The following RPRD2 variants were observed in gnomAD, a reference collection of about 807,000 sequenced individuals.
RPRD2 encodes the protein regulation of nuclear pre-mRNA domain containing 2.
In RPRD2, 12 loss-of-function variants were observed where a neutral mutation model predicts 104.4. The ratio of observed to expected loss-of-function variants is 0.11; its 90% CI spans 0.07 to 0.19. RPRD2 has a LOEUF of 0.19. Ranked by LOEUF, RPRD2 falls within the 10% of genes least tolerant of loss-of-function variation. The probability of loss-of-function intolerance (pLI) is 1.00; values close to 1 mark genes in which losing one functional copy is unlikely to be tolerated. For synonymous variants in RPRD2, 714 were observed against 684.9 expected (o/e 1.04, Z -0.66); for missense variants, 1,543 against 1,790.1 (o/e 0.86, Z 2.49).
At chr1:150,401,878 C>G (rs187080438) in intron 1 of RPRD2, among the ~76,000 whole-genome samples, 1 of 151,060 alleles carries the variant, frequency 6.6e-6, no homozygotes, top group Non-Finnish European at 1.5e-5. Flanking sequence ...CTCCTGACCT[C>G]GTGATCCGCC....
At chr1:150,428,811 A>C (rs922984619) in intron 2 of RPRD2, among the ~76,000 whole-genome samples, 4 of 152,164 alleles carry the variant, frequency 2.6e-5, no homozygotes, top group Admixed American at 2.6e-4. Context: ...TAACTGTGAC[A>C]TCTGGACACC....
At chr1:150,396,812 C>G (rs1241484158) in intron 1 of RPRD2, among the ~76,000 whole-genome samples, 1 of 151,950 alleles carries the variant, frequency 6.6e-6, no homozygotes, top group East Asian at 1.9e-4. Context: ...TCATAGTCAC[C>G]AAAACAGCAT....
intron 9 of RPRD2, among the ~76,000 whole-genome samples, chr1:150,463,056 A>G (rs1423907722): frequency 2.6e-5 from 4 of 152,038 alleles, no homozygotes; most frequent in Non-Finnish European, 5.9e-5. Flanking sequence ...GTGTCTTACT[A>G]TGTTGCCCAG....
In RPRD2 at chr1:150,455,519, A is replaced by C. The variant is rs9436006; in HGVS notation, c.871-1769A>C. On this transcript the variant is annotated intron_variant, in intron 7 of 10. Coordinates refer to ENST00000369068, the MANE Select transcript of RPRD2 (RefSeq NM_015203.5). ...TCCATCTCAAAAAAAAAAAGAAAGA[A>C]AGTCCAGCAAAGTGTCACAAACAAG... Among the ~76,000 whole-genome samples the C allele has an allele frequency of 4.1e-3, 622 of 151,924 alleles. 16 individuals carry two copies. Among genetic ancestry groups the C allele is most frequent in the East Asian group, 0.021 (111 of 5,170 alleles).
intron 1 of RPRD2, among the ~76,000 whole-genome samples, chr1:150,393,696 G>A (rs1662274009): frequency 1.3e-5 from 2 of 152,024 alleles, no homozygotes; most frequent in South Asian, 4.1e-4. Flanking sequence ...GAAGGTAGTG[G>A]GTGGTATACA....
rs1274023146 is a variant in RPRD2 at position 150,475,053 on chromosome 1, ATCT to A, written c.*1724_*1726del. 1.3e-5 allele frequency: 2 copies of A among 152,186 alleles called. No homozygotes were observed. The highest frequency in any genetic ancestry group is 2.9e-5 in the Non-Finnish European group (2 of 68,036). The allele number at this position is 152,186 out of a possible 1,614,324, so 9.4% of individuals were successfully genotyped here. A position where few individuals can be genotyped will look rare whatever the true frequency, so the allele number is the denominator to read the frequency against. Reference sequence around the variant, plus strand: ...GGGGTTAGGATGCTGCAGGTCATTCATCTTCTTAATGCCTGTCTGGTCTTAAGC... The same window carrying A: ...GGGGTTAGGATGCTGCAGGTCATTCATCTTAATGCCTGTCTGGTCTTAAGC... On this transcript the variant is annotated 3_prime_UTR_variant, in exon 11 of 11. Transcript: ENST00000369068.
At chr1:150,371,537 T>A (rs1323665064) in intron 1 of RPRD2, among the ~76,000 whole-genome samples, 2 of 152,148 alleles carry the variant, frequency 1.3e-5, no homozygotes, top group Non-Finnish European at 2.9e-5. Context: ...GGCTGGCTAA[T>A]TTTTTGCATT....
chr1:150,382,547 C>T (rs1335372358), intron 1 of RPRD2, among the ~76,000 whole-genome samples: 2 of 151,942 alleles, frequency 1.3e-5, no homozygotes, highest in African/African-American at 4.8e-5. Context: ...TTAGTAGAGA[C>T]GGGGTTTCAT....
chr1:150,385,044 A>G (rs1661464412), intron 1 of RPRD2, among the ~76,000 whole-genome samples: 1 of 152,170 alleles, frequency 6.6e-6, no homozygotes, highest in Non-Finnish European at 1.5e-5. Flanking sequence ...AGGTAATTAC[A>G]TGTACACATA....
At chr1:150,417,030 T>C (rs1664398385) in intron 1 of RPRD2, among the ~76,000 whole-genome samples, 1 of 152,130 alleles carries the variant, frequency 6.6e-6, no homozygotes, top group Admixed American at 6.6e-5. Flanking sequence ...CTGAGTAGTA[T>C]CTGGATTGGT....
At chr1:150,466,834 A>G (rs1668313518) in intron 10 of RPRD2, among the ~76,000 whole-genome samples, 1 of 152,218 alleles carries the variant, frequency 6.6e-6, no homozygotes, top group South Asian at 2.1e-4. Flanking sequence ...GTACCGTAGT[A>G]TAATTATGAA....
Position 150,471,666 on chromosome 1 carries a change from C to T in RPRD2, c.2718C>T (p.Leu906=), listed in dbSNP as rs1323326014. Residue 906 remains leucine, a synonymous_variant, in exon 11 of 11, where the codon CTC becomes CTT. Coordinates refer to ENST00000369068, the MANE Select transcript of RPRD2 (RefSeq NM_015203.5). This position sits in a 1 kb window ranked among gnomAD's most constrained non-coding sequence, Gnocchi z 5.3. ...ACTCTAGTGAGAACTGTGACCGTCT[C>T]TCATCTTCCCCTGGGCTATTTGGTG... is the stretch of plus-strand genomic sequence containing the variant. The part of the protein sequence containing the change: ...LLDSSENCDR[L]SSSPGLFGAF... 1.2e-6 allele frequency: 2 copies of T among 1,613,916 alleles called. No homozygotes were observed. Among genetic ancestry groups the T allele is most frequent in the Non-Finnish European group, 8.5e-7 (1 of 1,179,872 alleles).
Position 150,441,029 on chromosome 1 carries a change from T to C in RPRD2, c.436+6T>C. 6.8e-7 allele frequency: 1 copy of C among 1,465,080 alleles called. No homozygotes were observed. Among genetic ancestry groups the C allele is most frequent in the Non-Finnish European group, 9.3e-7 (1 of 1,075,438 alleles). 90.8% of individuals were successfully genotyped at this position (1,465,080 alleles called of 1,614,324 possible). A position where few individuals can be genotyped will look rare whatever the true frequency, so the allele number is the denominator to read the frequency against. ...GGCATTGAGAGAAGCTTTGAGTAAG[T>C]GTCTTTTTCTCTCCTAAAAGAAAAT... On this transcript the variant is annotated splice_donor_region_variant and intron_variant, in intron 3 of 10. Coordinates refer to ENST00000369068, the MANE Select transcript of RPRD2 (RefSeq NM_015203.5).
At chr1:150,467,993 C>CA (rs1422851295) in intron 10 of RPRD2, among the ~76,000 whole-genome samples, 4 of 149,850 alleles carry the variant, frequency 2.7e-5, no homozygotes, top group African/African-American at 7.4e-5. Context: ...CCTGTCTTTC[C>CA]AAAAAAAAAT....
At chr1:150,468,454 C>G (rs1454906049) in intron 10 of RPRD2, among the ~76,000 whole-genome samples, 2 of 151,868 alleles carry the variant, frequency 1.3e-5, no homozygotes, top group African/African-American at 4.8e-5. Flanking sequence ...AAAAGATGTT[C>G]TTTTGAAGAA....
In RPRD2 at chr1:150,472,402, G is replaced by A; in HGVS notation, c.3454G>A (p.Gly1152Arg). Reference protein sequence around the residue: ...PSSASELASLGGGGSGGLTGF... With the variant: ...PSSASELASLRGGGSGGLTGF... ...AAGTGCCTCTGAGTTGGCATCCCTT[G>A]GGGGTGGGGGCAGCGGAGGCCTCAC... The change falls in exon 11 of 11, where the codon GGG (glycine) becomes AGG (arginine). Residue 1152 changes from glycine (G) to arginine (R), a missense_variant. Gly to Arg is a moderately radical substitution (Grantham distance 125). This residue lies in a region of RPRD2 where 880 missense variants were observed against 885.6 expected (regional missense o/e 0.99). Transcript: ENST00000369068. 1 of 1,613,948 alleles carries A rather than the reference G, an allele frequency of 6.2e-7. No individual in the cohort carries two copies. The highest frequency in any genetic ancestry group is 8.5e-7 in the Non-Finnish European group (1 of 1,179,870).
At chr1:150,368,063 T>G (rs1348500590) in intron 1 of RPRD2, among the ~76,000 whole-genome samples, 1 of 152,088 alleles carries the variant, frequency 6.6e-6, no homozygotes, top group Non-Finnish European at 1.5e-5. Context: ...AGGTCTGAAT[T>G]TCTTTTACAT....
At chr1:150,464,381 TACATG>T in intron 9 of RPRD2, 141 bp from the exon 10 acceptor site, 9 of 509,080 alleles carry the variant, frequency 1.8e-5, no homozygotes, top group South Asian at 5.3e-5. Context: ...TTTTTTTTTG[TACATG>T]TCATGTTATG....
intron 7 of RPRD2, 147 bp downstream of exon 7, chr1:150,446,548 A>G: frequency 1.5e-6 from 1 of 686,478 alleles, no homozygotes; most frequent in Non-Finnish European, 2.2e-6. Context: ...GCTGTGGTAC[A>G]CACCTGTAAT....
Sources: allele counts gnomAD v4.1 joint callset (sites outside exome capture counted in the v4.1 genomes callset), GRCh38; gene constraint gnomAD v4.1.1; regional missense constraint gnomAD v4.1.1; non-coding constraint Gnocchi (gnomAD v3.1); transcripts MANE v1.5; gene names NCBI Gene and HGNC (gene_info 2026-07-23, HGNC 2026-07-21).